BRINP1: variants seen among roughly 807,000 people sequenced by gnomAD.
The protein encoded by BRINP1 is BMP/retinoic acid-inducible neural-specific protein 1.
BRINP1 carries 17 observed loss-of-function variants against 72.9 expected under a neutral mutation model. The ratio of observed to expected loss-of-function variants is 0.23; its 90% CI spans 0.16 to 0.35. The LOEUF is 0.35. Among genes scored for constraint, BRINP1 ranks in the 10% least tolerant of loss-of-function variants. BRINP1 has a pLI of 1.00. For synonymous variants in BRINP1, 418 were observed against 378.5 expected (o/e 1.10, Z -1.21); for missense variants, 850 against 1,001.6 (o/e 0.85, Z 2.04).
intron 1 of BRINP1, among the ~76,000 whole-genome samples, chr9:119,349,463 T>C (rs892252124): frequency 2.0e-5 from 3 of 152,228 alleles, no homozygotes; most frequent in African/African-American, 4.8e-5. Context: ...CTGCAAATGT[T>C]TTCTCTTCAG....
At chr9:119,344,556 G>C (rs995735809) in intron 1 of BRINP1, among the ~76,000 whole-genome samples, 1 of 152,178 alleles carries the variant, frequency 6.6e-6, no homozygotes. Flanking sequence ...ACAGCCTCTA[G>C]TACAAGGAAC....
At chr9:119,307,842 T>C (rs2118989890) in intron 2 of BRINP1, among the ~76,000 whole-genome samples, 1 of 152,298 alleles carries the variant, frequency 6.6e-6, no homozygotes, top group African/African-American at 2.4e-5. Flanking sequence ...AGAAGTCCTG[T>C]GTAACTTTGG....
intron 7 of BRINP1, among the ~76,000 whole-genome samples, chr9:119,192,762 GAT>G (rs1829695238): frequency 6.6e-6 from 1 of 152,076 alleles, no homozygotes; most frequent in Admixed American, 6.5e-5. Context: ...TCCCAAAGGA[GAT>G]GAAATCAGCA....
At chr9:119,182,140 C>G (rs559220409) in intron 7 of BRINP1, among the ~76,000 whole-genome samples, 8 of 152,176 alleles carry the variant, frequency 5.3e-5, no homozygotes, top group Non-Finnish European at 1.0e-4. Context: ...AATCTTGACA[C>G]TTAACTTCCT....
chr9:119,313,429 A>C, intron 1 of BRINP1, 24 bp from the exon 2 acceptor site: 1 of 1,516,790 alleles, frequency 6.6e-7, no homozygotes, highest in South Asian at 1.3e-5. Flanking sequence ...AATAAAAAAG[A>C]GAGAGAAAAA....
chr9:119,181,695 C>A (rs892007845), intron 7 of BRINP1, among the ~76,000 whole-genome samples: 1 of 152,110 alleles, frequency 6.6e-6, no homozygotes, highest in African/African-American at 2.4e-5. Flanking sequence ...AGCCTAATAT[C>A]TTCAACTCAT....
chr9:119,284,881 T>G (rs1237426426), intron 2 of BRINP1, among the ~76,000 whole-genome samples: 1 of 152,080 alleles, frequency 6.6e-6, no homozygotes, highest in East Asian at 1.9e-4. Context: ...TCTTTGGAAA[T>G]GATAAAGTCC....
At chr9:119,235,343 A>T (rs1460099675) in intron 5 of BRINP1, among the ~76,000 whole-genome samples, 1 of 152,130 alleles carries the variant, frequency 6.6e-6, no homozygotes, top group Non-Finnish European at 1.5e-5. Context: ...CTGTGCTTTA[A>T]TTTCACATGA....
intron 1 of BRINP1, among the ~76,000 whole-genome samples, chr9:119,318,209 A>G (rs1189146455): frequency 6.6e-6 from 1 of 152,196 alleles, no homozygotes; most frequent in Admixed American, 6.5e-5. Flanking sequence ...TATGTCTTCC[A>G]TGTGAAAATG....
chr9:119,202,996 A>C (rs1382292666), intron 7 of BRINP1, among the ~76,000 whole-genome samples: 1 of 152,092 alleles, frequency 6.6e-6, no homozygotes, highest in Non-Finnish European at 1.5e-5. Context: ...CTTGGGCTTG[A>C]GAGTTAATTC....
At chr9:119,329,104 G>A (rs769941065) in intron 1 of BRINP1, among the ~76,000 whole-genome samples, 2 of 152,174 alleles carry the variant, frequency 1.3e-5, no homozygotes, top group Admixed American at 1.3e-4. Context: ...AAGATACAGC[G>A]ACTCAATAAA....
intron 6 of BRINP1, among the ~76,000 whole-genome samples, chr9:119,211,109 T>C (rs571434067): frequency 6.6e-6 from 1 of 152,354 alleles, no homozygotes; most frequent in East Asian, 1.9e-4. Flanking sequence ...AGGCCTTCAA[T>C]GAACCCAAAT....
intron 7 of BRINP1, among the ~76,000 whole-genome samples, chr9:119,172,665 A>G (rs1829429616): frequency 6.6e-6 from 1 of 151,714 alleles, no homozygotes; most frequent in African/African-American, 2.4e-5. Flanking sequence ...AAAGCCAGGC[A>G]GAGACACAAC....
intron 1 of BRINP1, among the ~76,000 whole-genome samples, chr9:119,326,492 T>G (rs1831241500): frequency 6.6e-6 from 1 of 152,222 alleles, no homozygotes; most frequent in South Asian, 2.1e-4. Context: ...TCCTATTATA[T>G]TTTATTAACA....
chr9:119,318,491 G>A (rs1380394526), intron 1 of BRINP1, among the ~76,000 whole-genome samples: 1 of 152,160 alleles, frequency 6.6e-6, no homozygotes. Flanking sequence ...CATGAGCAGA[G>A]GAGTGAGCTG....
chr9:119,220,228 C>T (rs2118884355), intron 5 of BRINP1, among the ~76,000 whole-genome samples: 1 of 152,202 alleles, frequency 6.6e-6, no homozygotes, highest in Admixed American at 6.5e-5. Context: ...TATTGAGTTT[C>T]AACCACTGGG....
intron 2 of BRINP1, among the ~76,000 whole-genome samples, chr9:119,285,107 G>C (rs1334563808): frequency 6.6e-6 from 1 of 151,652 alleles, no homozygotes; most frequent in Non-Finnish European, 1.5e-5. Context: ...TGCATCGCAC[G>C]GTTCCCAAGG....
At chr9:119,359,801 A>G (rs896812681) in intron 1 of BRINP1, among the ~76,000 whole-genome samples, 4 of 152,236 alleles carry the variant, frequency 2.6e-5, no homozygotes, top group Admixed American at 6.5e-5. Context: ...GAGAATATTC[A>G]GTAGGATATC....
At chr9:119,321,092 G>A (rs541847544) in intron 1 of BRINP1, among the ~76,000 whole-genome samples, 34 of 152,192 alleles carry the variant, frequency 2.2e-4, no homozygotes, top group African/African-American at 7.0e-4. Context: ...CACTGTGCCC[G>A]GCTAATTTTT....
Sources: gnomAD v4.1 joint callset for allele counts (sites outside exome capture counted in the v4.1 genomes callset) on GRCh38, gnomAD v4.1.1 for gene constraint, MANE v1.5 for transcripts, NCBI Gene and HGNC (gene_info 2026-07-23, HGNC 2026-07-21) for gene names.